POLR1A: variants seen among roughly 807,000 people sequenced by gnomAD.
The protein encoded by POLR1A is DNA-directed RNA polymerase I subunit RPA1.
Under a neutral mutation model 205.3 loss-of-function variants are expected in POLR1A, and 84 were observed. The observed-to-expected ratio is 0.41, with a 90% CI of 0.34 to 0.49. The LOEUF (loss-of-function observed/expected upper bound fraction) is 0.49, where lower values mean the gene tolerates loss of function less well. Ranked by LOEUF, POLR1A falls within the 20% of genes least tolerant of loss-of-function variation. The probability of loss-of-function intolerance (pLI) is 0.22; values close to 1 mark genes in which losing one functional copy is unlikely to be tolerated. For missense variants in POLR1A, 1,645 were observed against 2,204.5 expected (o/e 0.75, Z 5.08); for synonymous variants, 799 against 863.7 (o/e 0.93, Z 1.31).
chr2:86,094,028 A>T (rs1673657539), intron 3 of POLR1A, among the ~76,000 whole-genome samples: 1 of 152,206 alleles, frequency 6.6e-6, no homozygotes, highest in Admixed American at 6.5e-5. Flanking sequence ...TTCGGCTAAC[A>T]CATCTTTGGC....
chr2:86,089,470 C>T (rs776488775), intron 4 of POLR1A, among the ~76,000 whole-genome samples: 3 of 152,174 alleles, frequency 2.0e-5, no homozygotes, highest in Admixed American at 6.5e-5. Context: ...CAAATTAATA[C>T]TTAGGCAGTA....
At chr2:86,097,214 C>CAAAAGAAAAA (rs1673720296) in intron 3 of POLR1A, among the ~76,000 whole-genome samples, 1 of 39,690 alleles carries the variant, frequency 2.5e-5, no homozygotes, top group Admixed American at 5.2e-4. Flanking sequence ...CCCCAAAAGA[C>CAAAAGAAAAA]AAAAAAAAAA....
Position 86,028,207 on chromosome 2 carries a change from C to A in POLR1A, c.4898-158G>T, listed in dbSNP as rs1209225909. Among the ~76,000 whole-genome samples the A allele has an allele frequency of 1.3e-5, 2 of 152,304 alleles. No individual in the cohort carries two copies. Among genetic ancestry groups the A allele is most frequent in the Admixed American group, 1.3e-4 (2 of 15,296 alleles). Reference sequence around the variant, plus strand: ...CACCTGCTCACGCTACTTAACCCTTCCCCGTGGTCTGGGGCATCTTTCCCT... The same window carrying A: ...CACCTGCTCACGCTACTTAACCCTTACCCGTGGTCTGGGGCATCTTTCCCT... On this transcript the variant is annotated intron_variant, in intron 32 of 33. Transcript: ENST00000263857. This position sits in a 1 kb window ranked among gnomAD's most constrained non-coding sequence, Gnocchi z 4.5.
rs1673154882 is a variant in POLR1A at position 86,070,389 on chromosome 2, C to T, written c.1612-117G>A. On this transcript the variant is annotated intron_variant, in intron 12 of 33. Transcript: ENST00000263857. The surrounding 1 kb of genome is among the most constrained non-coding windows in gnomAD (Gnocchi z 4.4). ...GGCTTTTGTCTCACGTTCTAGTTAA[C>T]TAAATGCAAGGGGAATTTTTCATCT... 2 of 1,124,494 alleles carry T rather than the reference C, an allele frequency of 1.8e-6. No homozygotes were observed. The highest frequency in any genetic ancestry group is 1.6e-5 in the African/African-American group (1 of 64,332). 69.7% of individuals were successfully genotyped at this position (1,124,494 alleles called of 1,614,324 possible).
intron 13 of POLR1A, among the ~76,000 whole-genome samples, chr2:86,066,092 A>C (rs549786244): frequency 6.6e-6 from 1 of 152,216 alleles, no homozygotes; most frequent in East Asian, 1.9e-4. Flanking sequence ...GTCATAATAT[A>C]GACTTGAGGT....
chr2:86,085,640 G>C (rs1367156785), intron 6 of POLR1A, among the ~76,000 whole-genome samples: 1 of 152,198 alleles, frequency 6.6e-6, no homozygotes, highest in Non-Finnish European at 1.5e-5. Context: ...CCCCACTGCA[G>C]TTTAGTCACC....
At position 86,068,394 on chromosome 2, in the gene POLR1A, G is replaced by GA. The variant is rs1553436070; in HGVS notation, c.1866+1623_1866+1624insT. 3.4e-5 allele frequency among the ~76,000 whole-genome samples: 4 copies of GA among 116,372 alleles called. 2 individuals carry two copies. The highest frequency in any genetic ancestry group is 7.4e-3 in the Middle Eastern group (2 of 272). 76.3% of individuals were successfully genotyped at this position (116,372 alleles called of 152,430 possible). On this transcript the variant is annotated intron_variant, in intron 13 of 33. Transcript: ENST00000263857. ...ACAGCCAAGCACATGGGCGGGGGGG[G>GA]GGGGCGGGTGTCGTCCAAAGCTGCT...
In POLR1A at chr2:86,054,106, G is replaced by C. The variant is rs1672854430; in HGVS notation, c.2208+34C>G. 4 of 1,609,246 alleles carry C rather than the reference G, an allele frequency of 2.5e-6. No individual in the cohort carries two copies. The African/African-American group carries it at 5.3e-5, about 22-fold the overall frequency. ...ACCAATCTGTCTAACCCCGGCACTA[G>C]AAGTCTCCACTCCACACAGCTGGAC... On this transcript the variant is annotated intron_variant, in intron 15 of 33. Transcript: ENST00000263857.
intron 14 of POLR1A, among the ~76,000 whole-genome samples, chr2:86,059,361 C>T (rs1386556880): frequency 6.6e-6 from 1 of 152,140 alleles, no homozygotes; most frequent in African/African-American, 2.4e-5. Context: ...CTTGGTGGCT[C>T]GTTCAGAGTA....
At chr2:86,068,706 T>C (rs951376888) in intron 13 of POLR1A, among the ~76,000 whole-genome samples, 5 of 152,174 alleles carry the variant, frequency 3.3e-5, no homozygotes, top group Non-Finnish European at 7.4e-5. Flanking sequence ...CTACATTTAG[T>C]CCCTTTGCTA....
At chr2:86,075,374 GAC>G (rs1272509586) in intron 11 of POLR1A, 114 bp from the exon 12 acceptor site, 2 of 751,166 alleles carry the variant, frequency 2.7e-6, no homozygotes, top group East Asian at 5.4e-5. Flanking sequence ...GGAGCTGTTT[GAC>G]TTGGCCAAGA....
At chr2:86,068,674 G>T (rs17026862) in intron 13 of POLR1A, among the ~76,000 whole-genome samples, 1,878 of 152,252 alleles carry the variant, frequency 0.012, 44 homozygotes, top group African/African-American at 0.042. Flanking sequence ...AGTAATCTGG[G>T]TAGGCCCTTC....
intron 13 of POLR1A, among the ~76,000 whole-genome samples, chr2:86,068,397 G>GGA (rs531431785): frequency 9.3e-6 from 1 of 107,890 alleles, no homozygotes; most frequent in African/African-American, 3.5e-5. Context: ...GGGGGGGGGG[G>GGA]GCGGGTGTCG....
intron 25 of POLR1A, 177 bp downstream of exon 25, chr2:86,040,206 CACCAAAGAA>C: frequency 2.1e-6 from 1 of 469,498 alleles, no homozygotes; most frequent in Middle Eastern, 5.3e-4. Flanking sequence ...CAGGCCTGGG[CACCAAAGAA>C]ACCAGCTGGG....
In POLR1A at chr2:86,025,538, C is replaced by T. The variant is rs1017976213; in HGVS notation, c.*1885G>A. On this transcript the variant is annotated 3_prime_UTR_variant, in exon 34 of 34. Transcript: ENST00000263857. Reference sequence around the variant, plus strand: ...AGACACAGGAATAAAACAGAGCTGCCCAGGAACCATGTGGATGGGTGGGGC... The same window carrying T: ...AGACACAGGAATAAAACAGAGCTGCTCAGGAACCATGTGGATGGGTGGGGC... 2.0e-5 allele frequency: 3 copies of T among 152,310 alleles called. No individual in the cohort carries two copies. The highest frequency in any genetic ancestry group is 4.8e-5 in the African/African-American group (2 of 41,466). 9.4% of individuals were successfully genotyped at this position (152,310 alleles called of 1,614,324 possible).
At chr2:86,031,705 C>A in intron 29 of POLR1A, 70 bp from the exon 30 acceptor site, 1 of 1,553,084 alleles carries the variant, frequency 6.4e-7, no homozygotes, top group Non-Finnish European at 8.7e-7. Flanking sequence ...GCCTGTGGAA[C>A]AAAGACCCCT....
At chr2:86,065,962 C>T (rs1673077053) in intron 13 of POLR1A, among the ~76,000 whole-genome samples, 1 of 152,162 alleles carries the variant, frequency 6.6e-6, no homozygotes, top group African/African-American at 2.4e-5. Context: ...TTTCCCTACT[C>T]CAGGGGACCA....
intron 27 of POLR1A, among the ~76,000 whole-genome samples, chr2:86,038,467 G>A (rs1672538038): frequency 1.3e-5 from 2 of 152,202 alleles, no homozygotes; most frequent in African/African-American, 4.8e-5. Flanking sequence ...CCCAAGAGAA[G>A]AAATGGGCTC....
At chr2:86,071,145 A>G (rs1673170942) in intron 12 of POLR1A, among the ~76,000 whole-genome samples, 1 of 151,216 alleles carries the variant, frequency 6.6e-6, no homozygotes. Context: ...CAGCAAAGAA[A>G]AAAAAAACCC....
Sources: allele counts gnomAD v4.1 joint callset (sites outside exome capture counted in the v4.1 genomes callset), GRCh38; gene constraint gnomAD v4.1.1; non-coding constraint Gnocchi (gnomAD v3.1); transcripts MANE v1.5; gene names NCBI Gene and HGNC (gene_info 2026-07-23, HGNC 2026-07-21).